The following PCDHA8 variants were observed in gnomAD, a reference collection of about 807,000 sequenced individuals.
The protein encoded by PCDHA8 is protocadherin alpha-8.
PCDHA8 carries 53 observed loss-of-function variants against 61.8 expected under a neutral mutation model. That is an observed-to-expected ratio of 0.86 (90% CI 0.69 to 1.08). The LOEUF (loss-of-function observed/expected upper bound fraction) is 1.08, where lower values mean the gene tolerates loss of function less well. Among genes scored for constraint, PCDHA8 ranks in the 50% least tolerant of loss-of-function variants. PCDHA8 has a pLI of 0.00. For missense variants in PCDHA8, 1,293 were observed against 1,245.0 expected (o/e 1.04, Z -0.58); for synonymous variants, 618 against 556.6 (o/e 1.11, Z -1.55).
At position 140,841,243 on chromosome 5, in the gene PCDHA8, T is replaced by G; in HGVS notation, c.-79T>G. ...CGAACAACGGGAGATGCAGCGGAATTGGATTAAAAGACTCTGAAAGTACAG... is the reference window on the plus strand; with the variant it reads ...CGAACAACGGGAGATGCAGCGGAATGGGATTAAAAGACTCTGAAAGTACAG... On this transcript the variant is annotated 5_prime_UTR_variant, in exon 1 of 4. It adds an upstream start codon to the 5' untranslated region. Transcript: ENST00000531613. The G allele has an allele frequency of 6.7e-7, 1 of 1,494,736 alleles. No homozygotes were observed. The highest frequency in any genetic ancestry group is 9.0e-7 in the Non-Finnish European group (1 of 1,114,178). 92.6% of individuals were successfully genotyped at this position (1,494,736 alleles called of 1,614,324 possible).
At chr5:140,946,752 A>C (rs1470208958) in intron 1 of PCDHA8, among the ~76,000 whole-genome samples, 1 of 151,470 alleles carries the variant, frequency 6.6e-6, no homozygotes, top group East Asian at 1.9e-4. Context: ...CAAATACTGC[A>C]TGATCTCATT....
At chr5:140,899,405 T>G (rs1369333627) in intron 1 of PCDHA8, among the ~76,000 whole-genome samples, 3 of 152,204 alleles carry the variant, frequency 2.0e-5, no homozygotes, top group Non-Finnish European at 4.4e-5. Flanking sequence ...CATGAAGGGT[T>G]GTTGAATTTT....
intron 1 of PCDHA8, among the ~76,000 whole-genome samples, chr5:140,959,741 C>T (rs1415934970): frequency 6.6e-6 from 1 of 152,068 alleles, no homozygotes; most frequent in Admixed American, 6.6e-5. Flanking sequence ...CATCAAAATG[C>T]CTTAAAGTAT....
chr5:140,927,245 A>G (rs1197319664), intron 1 of PCDHA8: 6 of 1,613,948 alleles, frequency 3.7e-6, no homozygotes, highest in South Asian at 2.2e-5. Flanking sequence ...CTGGACACCA[A>G]TGACAACTCA....
chr5:140,961,366 C>A (rs1384222732), intron 1 of PCDHA8, among the ~76,000 whole-genome samples: 2 of 152,144 alleles, frequency 1.3e-5, no homozygotes, highest in Non-Finnish European at 2.9e-5. Context: ...CATTAGAATT[C>A]TCCTTCTAGT....
chr5:140,992,017 C>CTG (rs10602499), intron 3 of PCDHA8, among the ~76,000 whole-genome samples: 19,643 of 145,468 alleles, frequency 0.14, 1,328 homozygotes, highest in East Asian at 0.18. Flanking sequence ...AGAGGTGGCT[C>CTG]TGTGTGTGTG....
chr5:140,999,995 A>G (rs1174530266), intron 3 of PCDHA8, among the ~76,000 whole-genome samples: 1 of 152,068 alleles, frequency 6.6e-6, no homozygotes, highest in Non-Finnish European at 1.5e-5. Flanking sequence ...GGGTAGTGGT[A>G]TTAGATTGGC....
intron 1 of PCDHA8, among the ~76,000 whole-genome samples, chr5:140,878,776 T>C (rs1437840291): frequency 2.0e-5 from 3 of 152,226 alleles, no homozygotes; most frequent in Non-Finnish European, 4.4e-5. Flanking sequence ...TGGAATATAG[T>C]ATATGTTCAA....
rs1019135464 is a variant in PCDHA8, at chr5:140,897,033, A to G, written c.2394+53318A>G. On this transcript the variant is annotated intron_variant, in intron 1 of 3. Transcript: ENST00000531613. ...TATACAACTAAATTATTTAGACCAT[A>G]GTCACCCTATTCTGCTGTCAAATAC... Among the ~76,000 whole-genome samples, 4 of 152,124 alleles carry G rather than the reference A, an allele frequency of 2.6e-5. No homozygotes were observed. The East Asian group carries it at 7.7e-4, about 29-fold the overall frequency.
At chr5:140,978,716 T>C (rs1317618418) in intron 1 of PCDHA8, among the ~76,000 whole-genome samples, 2 of 152,252 alleles carry the variant, frequency 1.3e-5, no homozygotes, top group African/African-American at 4.8e-5. Flanking sequence ...CTTTACAAGA[T>C]TATTAAATCT....
intron 1 of PCDHA8, chr5:140,870,783 C>A: frequency 6.2e-7 from 1 of 1,613,598 alleles, no homozygotes; most frequent in Non-Finnish European, 8.5e-7. Context: ...AGAACGACAA[C>A]GCGCCGGCAC....
At chr5:140,946,044 A>G (rs1435633416) in intron 1 of PCDHA8, among the ~76,000 whole-genome samples, 1 of 152,160 alleles carries the variant, frequency 6.6e-6, no homozygotes, top group East Asian at 1.9e-4. Flanking sequence ...TGAAGGGACA[A>G]TCCACAGAAT....
chr5:140,928,917 G>A (rs181013464), intron 1 of PCDHA8: 4 of 1,614,134 alleles, frequency 2.5e-6, no homozygotes, highest in Admixed American at 1.7e-5. Context: ...AACCAGGAGG[G>A]CAGCTTTCTG....
At chr5:140,856,660 T>A in intron 1 of PCDHA8, 1 of 1,597,974 alleles carries the variant, frequency 6.3e-7, no homozygotes, top group South Asian at 1.1e-5. Flanking sequence ...GTGAAGAAAA[T>A]CCTCAGCTAA....
chr5:140,884,198 C>G, intron 1 of PCDHA8: 1 of 1,613,442 alleles, frequency 6.2e-7, no homozygotes, highest in Non-Finnish European at 8.5e-7. Flanking sequence ...GGACGCGCCG[C>G]ACCACCGCCT....
At chr5:140,876,906 G>T (rs782762108) in intron 1 of PCDHA8, 13 of 1,613,908 alleles carry the variant, frequency 8.1e-6, no homozygotes, top group South Asian at 2.2e-5. Flanking sequence ...TCACGGTGTC[G>T]GCATGGGACG....
At chr5:140,955,965 T>C (rs2095242955) in intron 1 of PCDHA8, among the ~76,000 whole-genome samples, 1 of 152,204 alleles carries the variant, frequency 6.6e-6, no homozygotes, top group Admixed American at 6.5e-5. Context: ...TGTTTGTGCA[T>C]AGGAATGCTA....
At chr5:140,992,035 G>A (rs529236840) in intron 3 of PCDHA8, among the ~76,000 whole-genome samples, 1 of 151,988 alleles carries the variant, frequency 6.6e-6, no homozygotes, top group Non-Finnish European at 1.5e-5. Flanking sequence ...GTGTGTGTGT[G>A]TGTGTGTGTG....
chr5:140,861,527 G>C (rs1554154863), intron 1 of PCDHA8: 3 of 454,914 alleles, frequency 6.6e-6, no homozygotes, highest in Non-Finnish European at 1.4e-5. Context: ...GGAGGATCTC[G>C]GAGTGCAGCA....
Sources: gnomAD v4.1 joint callset for allele counts (sites outside exome capture counted in the v4.1 genomes callset) on GRCh38, gnomAD v4.1.1 for gene constraint, MANE v1.5 for transcripts, NCBI Gene and HGNC (gene_info 2026-07-23, HGNC 2026-07-21) for gene names.